Variants in RIOK2 observed in about 807,000 individuals in gnomAD.
RIOK2 encodes the protein RIO kinase 2.
Under a neutral mutation model 62.4 loss-of-function variants are expected in RIOK2, and 46 were observed. That is an observed-to-expected ratio of 0.74 (90% confidence interval 0.58 to 0.94). The LOEUF (loss-of-function observed/expected upper bound fraction) is 0.94, where lower values mean the gene tolerates loss of function less well. Among genes scored for constraint, RIOK2 ranks in the 40% least tolerant of loss-of-function variants. The probability of loss-of-function intolerance (pLI) is 0.00; values close to 1 mark genes in which losing one functional copy is unlikely to be tolerated. For missense variants in RIOK2, 574 were observed against 658.0 expected, an observed-to-expected ratio of 0.87 and a Z score of 1.40; for synonymous variants, 197 against 216.0, an observed-to-expected ratio of 0.91 and a Z score of 0.77.
At chr5:97,171,085 C>T (rs1216525476) in intron 6 of RIOK2, 121 bp downstream of exon 6, 20 of 581,644 alleles carry the variant, frequency 3.4e-5, no homozygotes, top group African/African-American at 5.8e-5. Flanking sequence ...TGCTTGAACC[C>T]GGGAGGTGGA....
rs1749264310 is a variant in RIOK2, at chr5:97,179,159, G to A, written c.101C>T (p.Pro34Leu). The A allele has an allele frequency of 6.2e-7, 1 of 1,613,626 alleles. No individual in the cohort carries two copies. The highest frequency in any genetic ancestry group is 1.1e-5 in the South Asian group (1 of 91,044). ...EMGMKNHEIV[P>L]GSLIASIASL... ...GGCTATAGAAGCAATCAAACTGCCG[G>A]GAACAATTTCATGGTTCTTCATGCC... is the stretch of plus-strand genomic sequence containing the variant. Residue 34 changes from proline to leucine, a missense_variant, in exon 2 of 10, where the codon CCC (proline) becomes CTC (leucine). Transcript: ENST00000283109.
At chr5:97,168,890 T>G (rs1361111789) in intron 6 of RIOK2, 38 bp from the exon 7 acceptor site, 1 of 1,285,818 alleles carries the variant, frequency 7.8e-7, no homozygotes. Context: ...TAGTCTTTAT[T>G]GCTCCTCTTT....
intron 1 of RIOK2, among the ~76,000 whole-genome samples, chr5:97,181,749 C>T (rs1749419400): frequency 6.6e-6 from 1 of 152,102 alleles, no homozygotes. Context: ...TCTCTGCCTC[C>T]CCCGTCCTCT....
intron 1 of RIOK2, 96 bp from the exon 2 acceptor site, chr5:97,179,289 T>C: frequency 9.1e-7 from 1 of 1,103,152 alleles, no homozygotes; most frequent in Non-Finnish European, 1.3e-6. Flanking sequence ...CTTTCCTGAC[T>C]ATGCAGTTCT....
At chr5:97,171,139 C>T (rs1310122590) in intron 6 of RIOK2, 67 bp downstream of exon 6, 21 of 1,158,012 alleles carry the variant, frequency 1.8e-5, no homozygotes, top group African/African-American at 3.2e-5. Flanking sequence ...CCAGCTTGGG[C>T]AACAAGCAAA....
At chr5:97,175,930 AG>A (rs1032240933) in intron 4 of RIOK2, 1 of 152,172 alleles carries the variant, frequency 6.6e-6, no homozygotes, top group African/African-American at 2.4e-5. Flanking sequence ...TTAAAAATAA[AG>A]GATTTTTTTT....
At position 97,162,237 on chromosome 5, in the gene RIOK2, A is replaced by T. The variant is rs1039035236; in HGVS notation, c.*824T>A. 6.6e-6 allele frequency: 1 copy of T among 152,222 alleles called. No individual in the cohort carries two copies. The highest frequency in any genetic ancestry group is 6.5e-5 in the Admixed American group (1 of 15,272). 9.4% of individuals were successfully genotyped at this position (152,222 alleles called of 1,614,324 possible). A position where few individuals can be genotyped will look rare whatever the true frequency, so the allele number is the denominator to read the frequency against. ...ATCAGGTGCATACACTTAAGCACTC[A>T]TCTTTACATCTCACTGAATTATAAA... is the stretch of plus-strand genomic sequence containing the variant. On this transcript the variant is annotated 3_prime_UTR_variant, in exon 10 of 10. Transcript: ENST00000283109.
At chr5:97,182,931 A>G (rs1580283184) in intron 1 of RIOK2, 195 bp downstream of exon 1, 2 of 690,868 alleles carry the variant, frequency 2.9e-6, no homozygotes, top group East Asian at 5.3e-5. Flanking sequence ...CCTTTGCTCT[A>G]TCTGGGGGAA....
intron 8 of RIOK2, chr5:97,166,318 A>C: frequency 2.2e-6 from 1 of 455,774 alleles, no homozygotes; most frequent in East Asian, 7.0e-5. Flanking sequence ...CTTCTGATTT[A>C]ATTTTCCAAG....
intron 2 of RIOK2, 49 bp downstream of exon 2, chr5:97,179,006 T>C: frequency 6.2e-7 from 1 of 1,610,372 alleles, no homozygotes; most frequent in Non-Finnish European, 8.5e-7. Flanking sequence ...CTTGCTCTGG[T>C]GGAAACCAAT....
At chr5:97,176,221 C>T (rs1333722738) in intron 4 of RIOK2, 1 of 152,154 alleles carries the variant, frequency 6.6e-6, no homozygotes, top group Non-Finnish European at 1.5e-5. Context: ...GAGTACAATA[C>T]ATTTTGTTTA....
chr5:97,169,606 C>G (rs563992106), intron 6 of RIOK2, among the ~76,000 whole-genome samples: 19 of 152,292 alleles, frequency 1.2e-4, no homozygotes, highest in African/African-American at 4.6e-4. Context: ...GATAATGCCT[C>G]TCCTCTTTGC....
At chr5:97,169,356 G>A (rs1748933025) in intron 6 of RIOK2, among the ~76,000 whole-genome samples, 1 of 152,306 alleles carries the variant, frequency 6.6e-6, no homozygotes, top group East Asian at 1.9e-4. Context: ...TTATCCATTA[G>A]CCGATTTGCA....
chr5:97,177,336 C>A (rs780922437), intron 3 of RIOK2, 45 bp from the exon 4 acceptor site: 3 of 1,483,726 alleles, frequency 2.0e-6, no homozygotes, highest in Non-Finnish European at 2.8e-6. Flanking sequence ...ACGTTTATTC[C>A]AATCAGTTAA....
chr5:97,177,160 A>G lies in RIOK2; in HGVS notation c.454T>C (p.Tyr152His), dbSNP rs775614542. Residue 152 changes from tyrosine to histidine, a missense_variant, in exon 4 of 10, where the codon TAT (tyrosine) becomes CAT (histidine). By Grantham distance (83) the Tyr-to-His change is moderately conservative. Coordinates refer to ENST00000283109, the MANE Select transcript of RIOK2 (RefSeq NM_018343.3). ...HKHRHNVSWLYLSRLSAMKEF... is the reference protein window; with the variant it reads ...HKHRHNVSWLHLSRLSAMKEF... ...TTCATGGCAGAGAGACGAGATAAATATAGCCATGACACATTGTGCCTATGT... is the reference window on the plus strand; with the variant it reads ...TTCATGGCAGAGAGACGAGATAAATGTAGCCATGACACATTGTGCCTATGT... The G allele has an allele frequency of 1.9e-6, 3 of 1,612,860 alleles. No individual in the cohort carries two copies. The South Asian group carries it at 3.3e-5, about 18-fold the overall frequency.
chr5:97,178,420 ATGCTTTTCTGCAGTACCTACT>A (rs1259794662), intron 2 of RIOK2, among the ~76,000 whole-genome samples: 2 of 149,508 alleles, frequency 1.3e-5, no homozygotes, highest in African/African-American at 2.5e-5. Context: ...CAGTACCTAC[ATGCTTTTCTGCAGTACCTACT>A]TGCTCTTCTG....
intron 1 of RIOK2, among the ~76,000 whole-genome samples, chr5:97,181,286 AG>A (rs1350110254): frequency 1.3e-5 from 2 of 151,252 alleles, no homozygotes; most frequent in Non-Finnish European, 2.9e-5. Flanking sequence ...AAAAAAAAAA[AG>A]AAAGAGAGAA....
intron 5 of RIOK2, among the ~76,000 whole-genome samples, chr5:97,172,074 A>G (rs1286248156): frequency 6.6e-6 from 1 of 151,972 alleles, no homozygotes; most frequent in African/African-American, 2.4e-5. Flanking sequence ...AGTCTTTTCT[A>G]TTTGTACTTC....
intron 1 of RIOK2, among the ~76,000 whole-genome samples, chr5:97,180,016 A>AAAATATATATATAATATATATATAAT (rs1554083545): frequency 2.3e-5 from 1 of 44,152 alleles, no homozygotes; most frequent in East Asian, 5.8e-4. Flanking sequence ...ATATATATAT[A>AAAATATATATATAATATATATATAAT]ATATATATAT....
Sources: allele counts gnomAD v4.1 joint callset (sites outside exome capture counted in the v4.1 genomes callset), GRCh38; gene constraint gnomAD v4.1.1; transcripts MANE v1.5; gene names NCBI Gene and HGNC (gene_info 2026-07-23, HGNC 2026-07-21).